STARD13: variants seen among roughly 807,000 people sequenced by gnomAD.
STARD13 encodes StAR related lipid transfer domain containing 13, also known as stAR-related lipid transfer protein 13.
Under a neutral mutation model 106.4 loss-of-function variants are expected in STARD13, and 62 were observed. The ratio of observed to expected loss-of-function variants is 0.58; its 90% CI spans 0.48 to 0.72. The LOEUF is 0.72. Among genes scored for constraint, STARD13 ranks in the 30% least tolerant of loss-of-function variants. STARD13 has a pLI of 0.00. For synonymous variants in STARD13, 565 were observed against 553.0 expected (o/e 1.02, Z -0.31); for missense variants, 1,387 against 1,424.0 (o/e 0.97, Z 0.42).
At chr13:33,163,589 CAAAA>C (rs577772737) in intron 3 of STARD13, among the ~76,000 whole-genome samples, 4,628 of 53,448 alleles carry the variant, frequency 0.087, 206 homozygotes, top group African/African-American at 0.17. Context: ...GACTCTGTCT[CAAAA>C]AAAAAAAAAA....
At chr13:33,258,498 G>A (rs533900284) in intron 1 of STARD13, among the ~76,000 whole-genome samples, 4 of 152,256 alleles carry the variant, frequency 2.6e-5, no homozygotes, top group African/African-American at 9.6e-5. Context: ...AAAAAGAGTG[G>A]CCTTTTCAGT....
At chr13:33,325,945 A>C (rs1489246171) in intron 1 of STARD13, among the ~76,000 whole-genome samples, 2 of 142,260 alleles carry the variant, frequency 1.4e-5, no homozygotes, top group Non-Finnish European at 3.0e-5. Flanking sequence ...AAATAGCGCC[A>C]CTGCACTCCA....
At chr13:33,390,284 A>G in the STARD13 span, among the ~76,000 whole-genome samples, 7 of 152,186 alleles carry the variant, frequency 4.6e-5, no homozygotes, top group African/African-American at 1.7e-4. Flanking sequence ...TGAACCAAAG[A>G]CTGTTCTCTG....
the STARD13 span, among the ~76,000 whole-genome samples, chr13:33,585,351 A>G: frequency 6.6e-6 from 1 of 152,180 alleles, no homozygotes; most frequent in African/African-American, 2.4e-5. Context: ...ATCATTATTC[A>G]TAATAACTGA....
At chr13:33,465,330 C>G in the STARD13 span, among the ~76,000 whole-genome samples, 1 of 151,560 alleles carries the variant, frequency 6.6e-6, no homozygotes, top group Non-Finnish European at 1.5e-5. Context: ...CTCAGCCTCC[C>G]GAGTAGCTGG....
At chr13:33,133,354 A>G (rs1236706961) in intron 4 of STARD13, among the ~76,000 whole-genome samples, 2 of 152,228 alleles carry the variant, frequency 1.3e-5, no homozygotes, top group Non-Finnish European at 2.9e-5. Context: ...AAAAGTGGCA[A>G]ACTCCTGGGA....
the STARD13 span, among the ~76,000 whole-genome samples, chr13:33,524,610 C>T: frequency 5.9e-5 from 9 of 151,802 alleles, no homozygotes; most frequent in Non-Finnish European, 1.3e-4. Flanking sequence ...AGTTTATAAA[C>T]TAAAAGTGAT....
the STARD13 span, among the ~76,000 whole-genome samples, chr13:33,576,170 G>C: frequency 6.6e-6 from 1 of 152,172 alleles, no homozygotes; most frequent in Non-Finnish European, 1.5e-5. Flanking sequence ...GGAACACACT[G>C]TTTCTACGCC....
intron 12 of STARD13, 141 bp downstream of exon 12, chr13:33,109,732 G>A (rs1281581644): frequency 1.4e-6 from 1 of 732,414 alleles, no homozygotes; most frequent in Non-Finnish European, 2.3e-6. Flanking sequence ...AAACTCAGAT[G>A]TCACTGAGGG....
At chr13:33,622,239 C>G in the STARD13 span, among the ~76,000 whole-genome samples, 1 of 152,118 alleles carries the variant, frequency 6.6e-6, no homozygotes, top group Non-Finnish European at 1.5e-5. Flanking sequence ...ACCCTATTAC[C>G]AAAACCTGAC....
At chr13:33,265,523 T>G (rs1247256023) in intron 1 of STARD13, among the ~76,000 whole-genome samples, 1 of 152,190 alleles carries the variant, frequency 6.6e-6, no homozygotes, top group African/African-American at 2.4e-5. Flanking sequence ...TTTATTCACA[T>G]TTCTAAAATC....
chr13:33,549,818 T>G, the STARD13 span, among the ~76,000 whole-genome samples: 1 of 152,182 alleles, frequency 6.6e-6, no homozygotes, highest in African/African-American at 2.4e-5. Flanking sequence ...TATAGAAACC[T>G]TCAAAGTCAC....
chr13:33,370,680 G>T, the STARD13 span, among the ~76,000 whole-genome samples: 2 of 144,940 alleles, frequency 1.4e-5, no homozygotes, highest in Admixed American at 7.0e-5. Context: ...GTATAGTGGC[G>T]CAACCTTGGC....
rs1878178654 is a variant in STARD13, at chr13:33,130,800, C to T, written c.388-511G>A. 6.6e-6 allele frequency among the ~76,000 whole-genome samples: 1 copy of T among 152,176 alleles called. No individual in the cohort carries two copies. On this transcript the variant is annotated intron_variant, in intron 4 of 13. Coordinates refer to ENST00000336934, the MANE Select transcript of STARD13 (RefSeq NM_178006.4). The surrounding 1 kb of genome is among the most constrained non-coding windows in gnomAD (Gnocchi z 4.1). ...AAAGCTAACACTCCTTATTTTAGTC[C>T]CCTGCACTTGATTCTTATCGTGTAT... is the stretch of plus-strand genomic sequence containing the variant.
At chr13:33,375,955 C>A in the STARD13 span, among the ~76,000 whole-genome samples, 2 of 151,956 alleles carry the variant, frequency 1.3e-5, no homozygotes, top group Non-Finnish European at 2.9e-5. Flanking sequence ...CATACTTGAC[C>A]ATACTTTACT....
intron 1 of STARD13, chr13:33,205,890 A>C: frequency 1.0e-6 from 1 of 985,356 alleles, no homozygotes; most frequent in South Asian, 4.7e-5. Flanking sequence ...ATTCATTTTC[A>C]GCTTTCTTGA....
In STARD13 at chr13:33,112,893, C is replaced by T. The variant is rs765883793; in HGVS notation, c.2320G>A (p.Ala774Thr). 3.1e-6 allele frequency: 5 copies of T among 1,613,230 alleles called. No homozygotes were observed. In the South Asian group the frequency reaches 5.5e-5, roughly 18 times the overall value. Residue 774 changes from alanine to threonine, a missense_variant, in exon 9 of 14, where the codon GCC becomes ACC. Physicochemically the swap from Ala to Thr is moderately conservative, Grantham distance 58 (BLOSUM62 0). Coordinates refer to ENST00000336934, the MANE Select transcript of STARD13 (RefSeq NM_178006.4). ...TTCTCATCGGCCAGTAGCAGGATGG[C>T]AGCCTGCACGGCCTGCAGCCGCTGC... ...KEQRLQAVQAAILLLADENRE... is the reference protein window; with the variant it reads ...KEQRLQAVQATILLLADENRE...
the STARD13 span, among the ~76,000 whole-genome samples, chr13:33,634,621 A>G: frequency 6.6e-6 from 1 of 152,152 alleles, no homozygotes; most frequent in Non-Finnish European, 1.5e-5. Context: ...GAGCCTCGAG[A>G]GGTCACTACA....
Position 33,106,826 on chromosome 13 carries a change from C to T in STARD13, c.3156G>A (p.Ser1052=), listed in dbSNP as rs115156496. The change falls in exon 13 of 14, where the codon TCG becomes TCA. Residue 1052 remains serine, a synonymous_variant. Coordinates refer to ENST00000336934, the MANE Select transcript of STARD13 (RefSeq NM_178006.4). ...LGGVRAVVMD[S]QYLIEPCGSG... ...AGCCACACGGTTCTATCAAGTACTG[C>T]GAGTCCATCACCACTGCTCGCACAC... The T allele has an allele frequency of 2.7e-4, 443 of 1,614,116 alleles. 1 individual carries two copies. The East Asian group carries it at 6.6e-3, about 24-fold the overall frequency.
Sources: gnomAD v4.1 joint callset for allele counts (sites outside exome capture counted in the v4.1 genomes callset) on GRCh38, gnomAD v4.1.1 for gene constraint, Gnocchi (gnomAD v3.1) non-coding constraint, MANE v1.5 for transcripts, NCBI Gene and HGNC (gene_info 2026-07-23, HGNC 2026-07-21) for gene names.